The following CSMD3 variants were observed in gnomAD, a reference collection of about 807,000 sequenced individuals.
The protein encoded by CSMD3 is CUB and Sushi multiple domains 3, also known as CUB and sushi domain-containing protein 3.
A neutral mutation model predicts 435.2 loss-of-function variants in CSMD3; 177 were observed. The ratio of observed to expected loss-of-function variants is 0.41; its 90% CI spans 0.36 to 0.46. The LOEUF is 0.46. CSMD3 is among the 20% of genes least tolerant of loss of function. The pLI is 0.34. For missense variants in CSMD3, 4,265 were observed against 4,504.6 expected (o/e 0.95, Z 1.52); for synonymous variants, 1,656 against 1,520.5 (o/e 1.09, Z -2.07).
intron 30 of CSMD3, among the ~76,000 whole-genome samples, chr8:112,500,834 T>A (rs538895099): frequency 6.6e-6 from 1 of 151,874 alleles, no homozygotes; most frequent in East Asian, 1.9e-4. Context: ...TCTGCCCTTC[T>A]GTTTGCCAAA....
At chr8:112,847,703 C>A (rs929662615) in intron 11 of CSMD3, among the ~76,000 whole-genome samples, 1 of 152,052 alleles carries the variant, frequency 6.6e-6, no homozygotes, top group African/African-American at 2.4e-5. Context: ...TACCAAATCT[C>A]CAAATATTTG....
At chr8:112,553,606 T>C (rs1023133061) in intron 25 of CSMD3, among the ~76,000 whole-genome samples, 1 of 152,096 alleles carries the variant, frequency 6.6e-6, no homozygotes, top group African/African-American at 2.4e-5. Context: ...CCTCCCCTTA[T>C]GGCTTTCCCA....
At chr8:112,891,785 C>G (rs111810080) in intron 10 of CSMD3, among the ~76,000 whole-genome samples, 5,007 of 151,546 alleles carry the variant, frequency 0.033, 109 homozygotes, top group Non-Finnish European at 0.042. Flanking sequence ...TATAATTTGT[C>G]TATAGTCATA....
chr8:113,141,996 A>C (rs1389750738), intron 4 of CSMD3, among the ~76,000 whole-genome samples: 2 of 151,156 alleles, frequency 1.3e-5, no homozygotes, highest in African/African-American at 4.8e-5. Flanking sequence ...GCAGATATTT[A>C]AATTTAAAAA....
chr8:112,822,686 G>C lies in CSMD3; in HGVS notation c.1859+7000C>G, dbSNP rs138945376. On this transcript the variant is annotated intron_variant, in intron 12 of 70. Transcript: ENST00000297405. Reference sequence around the variant, plus strand: ...CAACCATCCTATGTTGAATAGGAGCGGTGAGAGAGGGCATCCTTGTCTTGT... The same window carrying C: ...CAACCATCCTATGTTGAATAGGAGCCGTGAGAGAGGGCATCCTTGTCTTGT... 3.8e-3 allele frequency among the ~76,000 whole-genome samples: 583 copies of C among 152,106 alleles called. 1 individual carries two copies. Among genetic ancestry groups the C allele is most frequent in the Non-Finnish European group, 6.9e-3 (469 of 68,002 alleles).
intron 4 of CSMD3, among the ~76,000 whole-genome samples, chr8:113,153,076 A>AAAAT (rs2091848552): frequency 1.1e-5 from 1 of 89,186 alleles, no homozygotes; most frequent in East Asian, 1.1e-3. Flanking sequence ...AAAAGAAAGA[A>AAAAT]AAAGAAAGAA....
chr8:112,854,967 CA>C, intron 11 of CSMD3, among the ~76,000 whole-genome samples: 1 of 152,112 alleles, frequency 6.6e-6, no homozygotes, highest in Non-Finnish European at 1.5e-5. Context: ...GGCTATTGAG[CA>C]CTAAAAATAA....
intron 11 of CSMD3, among the ~76,000 whole-genome samples, chr8:112,836,429 G>A (rs549944037): frequency 1.4e-4 from 22 of 151,936 alleles, no homozygotes; most frequent in African/African-American, 5.3e-4. Flanking sequence ...CCAATTATGA[G>A]TTTCCTGAGA....
At chr8:112,929,990 T>A (rs796607268) in intron 9 of CSMD3, among the ~76,000 whole-genome samples, 105 of 152,238 alleles carry the variant, frequency 6.9e-4, no homozygotes, top group African/African-American at 2.4e-3. Context: ...AGAAAGTGGT[T>A]AAGATTATAA....
intron 13 of CSMD3, among the ~76,000 whole-genome samples, chr8:112,742,916 C>T (rs985448502): frequency 1.3e-5 from 2 of 152,028 alleles, no homozygotes; most frequent in East Asian, 3.9e-4. Context: ...CACACAGGGT[C>T]CACTCTCAGA....
intron 1 of CSMD3, among the ~76,000 whole-genome samples, chr8:113,422,105 C>T (rs979985157): frequency 2.0e-5 from 3 of 152,150 alleles, no homozygotes; most frequent in African/African-American, 7.2e-5. Flanking sequence ...GCCACTGTCC[C>T]CCTTCTCATT....
intron 35 of CSMD3, among the ~76,000 whole-genome samples, chr8:112,403,262 C>T (rs1437813127): frequency 6.6e-6 from 1 of 152,132 alleles, no homozygotes; most frequent in Non-Finnish European, 1.5e-5. Context: ...TAAATCCTGC[C>T]TCCACTCTAA....
intron 6 of CSMD3, among the ~76,000 whole-genome samples, chr8:113,009,967 T>C (rs983307556): frequency 2.6e-5 from 4 of 151,808 alleles, no homozygotes; most frequent in African/African-American, 7.2e-5. Flanking sequence ...TGATATCTCA[T>C]ATGATTAATT....
intron 6 of CSMD3, among the ~76,000 whole-genome samples, chr8:113,009,889 C>G (rs1430796882): frequency 6.6e-6 from 1 of 151,560 alleles, no homozygotes; most frequent in African/African-American, 2.4e-5. Context: ...TTAAATAAAC[C>G]TGTAATAGCA....
chr8:113,250,065 T>C (rs910522782), intron 3 of CSMD3, among the ~76,000 whole-genome samples: 2 of 152,118 alleles, frequency 1.3e-5, no homozygotes, highest in African/African-American at 2.4e-5. Context: ...CTATGTCCTC[T>C]TTAAGTTACC....
intron 9 of CSMD3, among the ~76,000 whole-genome samples, chr8:112,934,299 T>C (rs1434221001): frequency 6.6e-6 from 1 of 152,194 alleles, no homozygotes; most frequent in African/African-American, 2.4e-5. Context: ...TATTTTTTTA[T>C]GGCATATTTT....
rs2130106689 is a variant in CSMD3, at chr8:112,244,390, T to C, written c.10402+4A>G. The C allele has an allele frequency of 1.9e-6, 3 of 1,611,318 alleles. No individual in the cohort carries two copies. The highest frequency in any genetic ancestry group is 2.5e-6 in the Non-Finnish European group (3 of 1,177,846). ...GTTAAAAAGATTCTATAGAGAAAAC[T>C]TACCTTCACAAATGGGAACTTTTCC... On this transcript the variant is annotated splice_donor_region_variant and intron_variant, in intron 65 of 70. Coordinates refer to ENST00000297405, the MANE Select transcript of CSMD3 (RefSeq NM_198123.2).
chr8:112,474,478 TA>T (rs1480644435), intron 31 of CSMD3, among the ~76,000 whole-genome samples: 3 of 152,140 alleles, frequency 2.0e-5, no homozygotes, highest in Non-Finnish European at 2.9e-5. Context: ...AAGGAATCAT[TA>T]CACAAGGAAA....
intron 12 of CSMD3, among the ~76,000 whole-genome samples, chr8:112,827,579 G>A (rs1250719185): frequency 6.6e-6 from 1 of 152,092 alleles, no homozygotes; most frequent in African/African-American, 2.4e-5. Context: ...AACATGTAGA[G>A]AGAAACATCT....
Sources: gnomAD v4.1 joint callset for allele counts (sites outside exome capture counted in the v4.1 genomes callset) on GRCh38, gnomAD v4.1.1 for gene constraint, MANE v1.5 for transcripts, NCBI Gene and HGNC (gene_info 2026-07-23, HGNC 2026-07-21) for gene names.